The following SYNPO variants were observed in gnomAD, a reference collection of about 807,000 sequenced individuals.
SYNPO encodes the protein synaptopodin.
Under a neutral mutation model 49.5 loss-of-function variants are expected in SYNPO, and 19 were observed. The ratio of observed to expected loss-of-function variants is 0.38; its 90% confidence interval spans 0.27 to 0.56. SYNPO has a LOEUF of 0.56. SYNPO is among the 20% of genes least tolerant of loss of function. The pLI, the probability that SYNPO is intolerant of heterozygous loss-of-function variation, is 0.68. For missense variants in SYNPO, 1,131 were observed against 1,248.3 expected, an observed-to-expected ratio of 0.91 and a Z score of 1.42; for synonymous variants, 536 against 548.0, an observed-to-expected ratio of 0.98 and a Z score of 0.31.
chr5:150,626,719 C>T (rs959999215), intron 2 of SYNPO, among the ~76,000 whole-genome samples: 5 of 152,316 alleles, frequency 3.3e-5, no homozygotes, highest in East Asian at 1.9e-4. Context: ...TAGGTTCTTC[C>T]GTGGCATTTT....
At chr5:150,609,240 A>G (rs995848650) in intron 1 of SYNPO, among the ~76,000 whole-genome samples, 1 of 152,198 alleles carries the variant, frequency 6.6e-6, no homozygotes, top group Non-Finnish European at 1.5e-5. Flanking sequence ...CTTGGCATGG[A>G]GAAGAAGGGA....
At chr5:150,646,210 C>T (rs1758088328) in intron 1 of SYNPO, among the ~76,000 whole-genome samples, 1 of 150,306 alleles carries the variant, frequency 6.7e-6, no homozygotes, top group African/African-American at 2.5e-5. Context: ...TGTGGTGGCG[C>T]ACACCGATAG....
Position 150,656,464 on chromosome 5 carries a change from A to C in SYNPO, c.2089A>C (p.Ser697Arg), listed in dbSNP as rs765157953. The C allele has an allele frequency of 1.0e-5, 16 of 1,531,184 alleles. No homozygotes were observed. The highest frequency in any genetic ancestry group is 2.5e-5 in the East Asian group (1 of 40,532). 94.8% of individuals were successfully genotyped at this position (1,531,184 alleles called of 1,614,324 possible). A position where few individuals can be genotyped will look rare whatever the true frequency, so the allele number is the denominator to read the frequency against. Reference protein sequence around the residue: ...PWTPGASRPPSSLDGWVSPGP... With the variant: ...PWTPGASRPPRSLDGWVSPGP... The stretch of plus-strand genomic sequence containing the variant: ...GACGCCGGGCGCGTCCCGGCCCCCC[A>C]GCAGCCTAGACGGCTGGGTGAGCCC... Residue 697 changes from serine to arginine, a missense_variant, in exon 3 of 3, where the codon AGC becomes CGC. Physicochemically the swap from Ser to Arg is moderately radical, Grantham distance 110. Around this residue, in one of 4 missense-constraint regions of SYNPO, gnomAD observed 509 missense variants for 484.5 expected, o/e 1.05. Transcript: ENST00000307662.
At chr5:150,617,916 G>A (rs745768203) in intron 1 of SYNPO, among the ~76,000 whole-genome samples, 1 of 152,222 alleles carries the variant, frequency 6.6e-6, no homozygotes, top group African/African-American at 2.4e-5. Context: ...GCATGAGGAT[G>A]TGGTGAAAAT....
chr5:150,644,323 A>T (rs1581503009), intron 1 of SYNPO, among the ~76,000 whole-genome samples: 1 of 152,164 alleles, frequency 6.6e-6, no homozygotes, highest in Non-Finnish European at 1.5e-5. Flanking sequence ...TGTTTTGAAG[A>T]TGCAAGAATT....
intron 2 of SYNPO, chr5:150,624,931 C>T: frequency 1.0e-6 from 1 of 985,524 alleles, no homozygotes; most frequent in Non-Finnish European, 1.2e-6. Flanking sequence ...GCTGGCCTGG[C>T]AGGGGTGCGG....
At chr5:150,632,531 C>A (rs991923734) in intron 2 of SYNPO, among the ~76,000 whole-genome samples, 1 of 152,038 alleles carries the variant, frequency 6.6e-6, no homozygotes, top group African/African-American at 2.4e-5. Flanking sequence ...TTAGGATGGG[C>A]GTCAGGAGGA....
the SYNPO span, among the ~76,000 whole-genome samples, chr5:150,593,668 C>A: frequency 6.6e-6 from 1 of 152,186 alleles, no homozygotes; most frequent in Non-Finnish European, 1.5e-5. Flanking sequence ...CCTCACTGCC[C>A]AGGCTGGTCT....
At chr5:150,593,157 C>T in the SYNPO span, among the ~76,000 whole-genome samples, 4 of 152,202 alleles carry the variant, frequency 2.6e-5, no homozygotes, top group Admixed American at 2.0e-4. Flanking sequence ...TTCTCATTTG[C>T]GGAGAAATGG....
At chr5:150,594,169 C>T in the SYNPO span, among the ~76,000 whole-genome samples, 2 of 152,160 alleles carry the variant, frequency 1.3e-5, no homozygotes, top group East Asian at 3.9e-4. Context: ...GTGTGTGGGC[C>T]AGGACTTGCG....
rs751195238 is a variant in SYNPO, at chr5:150,648,043, A to G, written c.-233A>G. The G allele has an allele frequency of 1.6e-5, 25 of 1,551,778 alleles. No homozygotes were observed. The highest frequency in any genetic ancestry group is 2.7e-5 in the African/African-American group (2 of 73,152). On this transcript the variant is annotated 5_prime_UTR_variant, in exon 2 of 3. Coordinates refer to ENST00000307662, the MANE Select transcript of SYNPO (RefSeq NM_007286.6). This position sits in a 1 kb window ranked among gnomAD's most constrained non-coding sequence, Gnocchi z 5.0. Reference sequence around the variant, plus strand: ...CAGCTGACCACCCCTCCCAGCTCCAATTCCCGTGGCGTCCAGCTCTTCAAC... The same window carrying G: ...CAGCTGACCACCCCTCCCAGCTCCAGTTCCCGTGGCGTCCAGCTCTTCAAC...
rs767009298 is a variant in SYNPO at position 150,656,726 on chromosome 5, C to A, written c.2351C>A (p.Ser784Tyr). The change falls in exon 3 of 3, where the codon TCC (serine) becomes TAC (tyrosine). Residue 784 changes from serine (S) to tyrosine (Y), a missense_variant. Around this residue, in one of 4 missense-constraint regions of SYNPO, gnomAD observed 509 missense variants for 484.5 expected, o/e 1.05. Coordinates refer to ENST00000307662, the MANE Select transcript of SYNPO (RefSeq NM_007286.6). ...GGCGCCGAGAACCCGCGGCCCTTCT[C>A]CCCGCCGAGGGCGCCACCGCCCCCG... ...SAGAENPRPF[S>Y]PPRAPPPPPP... The A allele has an allele frequency of 8.8e-6, 12 of 1,359,174 alleles. No homozygotes were observed. Among genetic ancestry groups the A allele is most frequent in the Non-Finnish European group, 8.5e-6 (9 of 1,056,196 alleles). 84.2% of individuals were successfully genotyped at this position (1,359,174 alleles called of 1,614,324 possible).
chr5:150,611,603 TG>T (rs757279964), intron 1 of SYNPO, among the ~76,000 whole-genome samples: 91 of 151,874 alleles, frequency 6.0e-4, no homozygotes, highest in Non-Finnish European at 1.1e-3. Flanking sequence ...CCCCAGGAGG[TG>T]GGCAGAAATG....
intron 2 of SYNPO, chr5:150,624,680 C>A (rs1392681116): frequency 4.0e-6 from 1 of 249,278 alleles, no homozygotes; most frequent in Non-Finnish European, 6.4e-6. Flanking sequence ...GCACGGCTCA[C>A]CCGCCCGCCC....
chr5:150,619,121 C>A (rs929805279), intron 2 of SYNPO, among the ~76,000 whole-genome samples: 1 of 152,092 alleles, frequency 6.6e-6, no homozygotes, highest in African/African-American at 2.4e-5. Context: ...CCCAAGCAAC[C>A]GATGGGGCAG....
intron 2 of SYNPO, chr5:150,650,673 C>G (rs1201834296): frequency 7.0e-6 from 10 of 1,418,954 alleles, no homozygotes; most frequent in African/African-American, 1.4e-5. Flanking sequence ...CAGCGTCTTG[C>G]TGGGGGAGTG....
chr5:150,619,275 A>T (rs10053467), intron 2 of SYNPO, among the ~76,000 whole-genome samples: 1 of 151,930 alleles, frequency 6.6e-6, no homozygotes, highest in African/African-American at 2.4e-5. Flanking sequence ...CCCCAATTTT[A>T]CAGGTGGGGA....
At chr5:150,644,453 C>A in intron 1 of SYNPO, among the ~76,000 whole-genome samples, 1 of 152,312 alleles carries the variant, frequency 6.6e-6, no homozygotes. Flanking sequence ...TCAGTCAATC[C>A]CCTGTGCTAG....
intron 1 of SYNPO, among the ~76,000 whole-genome samples, chr5:150,612,554 T>G (rs146211305): frequency 2.7e-4 from 41 of 152,304 alleles, no homozygotes; most frequent in Non-Finnish European, 4.9e-4. Flanking sequence ...ACCATCAGGA[T>G]GTGAACCTTG....
Sources: allele counts gnomAD v4.1 joint callset (sites outside exome capture counted in the v4.1 genomes callset), GRCh38; gene constraint gnomAD v4.1.1; regional missense constraint gnomAD v4.1.1; non-coding constraint Gnocchi (gnomAD v3.1); transcripts MANE v1.5; gene names NCBI Gene and HGNC (gene_info 2026-07-23, HGNC 2026-07-21).